Variants in TRAF5 observed in about 807,000 individuals in gnomAD.
The protein encoded by TRAF5 is TNF receptor associated factor 5.
In TRAF5, 48 loss-of-function variants were observed where a neutral mutation model predicts 64.5. The observed-to-expected ratio is 0.74, with a 90% CI of 0.59 to 0.95. The LOEUF is 0.95. Among genes scored for constraint, TRAF5 ranks in the 40% least tolerant of loss-of-function variants. The pLI, the probability that TRAF5 is intolerant of heterozygous loss-of-function variation, is 0.00. For synonymous variants in TRAF5, 206 were observed against 240.5 expected (o/e 0.86, Z 1.33); for missense variants, 545 against 662.8 (o/e 0.82, Z 1.95).
intron 10 of TRAF5, among the ~76,000 whole-genome samples, chr1:211,371,838 G>A (rs1333018754): frequency 6.6e-6 from 1 of 152,254 alleles, no homozygotes; most frequent in Non-Finnish European, 1.5e-5. Flanking sequence ...AAGCATTCTA[G>A]TTAGAAAAGT....
intron 4 of TRAF5, chr1:211,356,749 T>G (rs1263559709): frequency 1.1e-5 from 3 of 275,606 alleles, no homozygotes; most frequent in Non-Finnish European, 2.1e-5. Context: ...AGAGAGGGCG[T>G]GGGACATGCT....
chr1:211,330,879 C>T (rs1391241012), intron 1 of TRAF5, among the ~76,000 whole-genome samples: 1 of 152,202 alleles, frequency 6.6e-6, no homozygotes, highest in Non-Finnish European at 1.5e-5. Flanking sequence ...CTGTGCTTCT[C>T]TCCTTGAGCC....
chr1:211,359,827 T>A (rs1703114072), intron 4 of TRAF5, 85 bp from the exon 5 acceptor site: 1 of 1,550,334 alleles, frequency 6.5e-7, no homozygotes, highest in Non-Finnish European at 8.8e-7. Context: ...CACCCTGTTC[T>A]CTCTCCCTCC....
chr1:211,326,855 G>C lies in TRAF5; in HGVS notation c.-36G>C. 1 of 984,870 alleles carries C rather than the reference G, an allele frequency of 1.0e-6. No individual in the cohort carries two copies. Among genetic ancestry groups the C allele is most frequent in the Non-Finnish European group, 1.2e-6 (1 of 829,572 alleles). 61.0% of individuals were successfully genotyped at this position (984,870 alleles called of 1,614,324 possible). A position where few individuals can be genotyped will look rare whatever the true frequency, so the allele number is the denominator to read the frequency against. ...GCCAGGAGCAGCAGCCGCGCCTGCA[G>C]ACCGGCCTCGCGGAGCCCGCGCGCC... On this transcript the variant is annotated 5_prime_UTR_variant, in exon 1 of 11. Transcript: ENST00000261464. The surrounding 1 kb of genome is among the most constrained non-coding windows in gnomAD (Gnocchi z 5.0).
intron 7 of TRAF5, among the ~76,000 whole-genome samples, chr1:211,364,221 A>G (rs61848982): frequency 0.17 from 25,415 of 152,220 alleles, 2,252 homozygotes; most frequent in African/African-American, 0.23. Context: ...ATGATTAGGG[A>G]AAAAGCAACC....
chr1:211,361,243 C>T lies in TRAF5; in HGVS notation c.696+81C>T, dbSNP rs532992011. On this transcript the variant is annotated intron_variant, in intron 7 of 10. Coordinates refer to ENST00000261464, the MANE Select transcript of TRAF5 (RefSeq NM_001033910.3). ...AAGTTCAGTTTACTCTCTGTTCCATCGAGGATGGAGAAAGACATACAGTTC... is the reference window on the plus strand; with the variant it reads ...AAGTTCAGTTTACTCTCTGTTCCATTGAGGATGGAGAAAGACATACAGTTC... 1.2e-4 allele frequency: 155 copies of T among 1,278,406 alleles called. 1 individual carries two copies. In the Middle Eastern group the frequency reaches 2.1e-3, roughly 17 times the overall value. 79.2% of individuals were successfully genotyped at this position (1,278,406 alleles called of 1,614,324 possible).
At chr1:211,357,258 T>A (rs1349233909) in intron 4 of TRAF5, 1 of 152,212 alleles carries the variant, frequency 6.6e-6, no homozygotes, top group Admixed American at 6.5e-5. Flanking sequence ...GGAACACATA[T>A]TTCAGATGAT....
At chr1:211,364,821 A>C (rs550261739) in intron 7 of TRAF5, among the ~76,000 whole-genome samples, 1 of 152,256 alleles carries the variant, frequency 6.6e-6, no homozygotes, top group Non-Finnish European at 1.5e-5. Flanking sequence ...CAAGGAAGAA[A>C]ATCAGCACTG....
In TRAF5 at chr1:211,372,165, C is replaced by G; in HGVS notation, c.1137C>G (p.His379Gln). 6.2e-7 allele frequency: 1 copy of G among 1,609,744 alleles called. No homozygotes were observed. The highest frequency in any genetic ancestry group is 8.5e-7 in the Non-Finnish European group (1 of 1,178,474). Residue 379 changes from histidine to glutamine, a missense_variant, in exon 11 of 11, where the codon CAC (histidine) becomes CAG (glutamine). By Grantham distance (24) the His-to-Gln change is conservative. Coordinates refer to ENST00000261464, the MANE Select transcript of TRAF5 (RefSeq NM_001033910.3). ...LEEETNKHDT[H>Q]INIHKAQLSK... ...AGGAAACTAACAAACATGATACCCACATTAATATTCATAAAGCACAGCTGA... is the reference window on the plus strand; with the variant it reads ...AGGAAACTAACAAACATGATACCCAGATTAATATTCATAAAGCACAGCTGA...
Position 211,356,362 on chromosome 1 carries a change from T to C in TRAF5, c.277-5T>C, listed in dbSNP as rs1702965054. ...TGTGTGAGACCTATTATGTTTATCT[T>C]TTAGGTTTTTAAAGACAATTGTTGC... On this transcript the variant is annotated splice_polypyrimidine_tract_variant and splice_region_variant and intron_variant, in intron 3 of 10. Transcript: ENST00000261464. 1 of 1,610,658 alleles carries C rather than the reference T, an allele frequency of 6.2e-7. No homozygotes were observed. Among genetic ancestry groups the C allele is most frequent in the South Asian group, 1.1e-5 (1 of 90,978 alleles).
chr1:211,338,595 CTT>C lies in TRAF5; in HGVS notation c.-2+11707_-2+11708del, dbSNP rs1451297422. Among the ~76,000 whole-genome samples, 3 of 152,134 alleles carry C rather than the reference CTT, an allele frequency of 2.0e-5. No homozygotes were observed. The East Asian group carries it at 5.8e-4, about 29-fold the overall frequency. On this transcript the variant is annotated intron_variant, in intron 1 of 10. Coordinates refer to ENST00000261464, the MANE Select transcript of TRAF5 (RefSeq NM_001033910.3). ...ATTTACGTGGATTAATTCATTTAATCTTAACTCCAAGCCTTTGTAGCAGGTAC... is the reference window on the plus strand; with the variant it reads ...ATTTACGTGGATTAATTCATTTAATCAACTCCAAGCCTTTGTAGCAGGTAC...
At chr1:211,360,952 A>T (rs2102757401) in intron 6 of TRAF5, 136 bp from the exon 7 acceptor site, 1 of 1,020,616 alleles carries the variant, frequency 9.8e-7, no homozygotes, top group South Asian at 1.4e-5. Flanking sequence ...TTCAACTTTC[A>T]TCATAGCTCT....
intron 9 of TRAF5, among the ~76,000 whole-genome samples, chr1:211,370,254 A>G (rs1188688241): frequency 1.3e-5 from 2 of 152,194 alleles, no homozygotes. Flanking sequence ...CTTTATCATG[A>G]TTATAAAATT....
At chr1:211,371,996 G>A in intron 10 of TRAF5, 132 bp from the exon 11 acceptor site, 1 of 773,464 alleles carries the variant, frequency 1.3e-6, no homozygotes, top group African/African-American at 1.8e-5. Context: ...TACAACAAAT[G>A]AATTCAGCTC....
chr1:211,326,884 C>T lies in TRAF5; in HGVS notation c.-7C>T. The T allele has an allele frequency of 1.0e-6, 1 of 985,242 alleles. No individual in the cohort carries two copies. The highest frequency in any genetic ancestry group is 1.2e-6 in the Non-Finnish European group (1 of 829,604). 61.0% of individuals were successfully genotyped at this position (985,242 alleles called of 1,614,324 possible). A position where few individuals can be genotyped will look rare whatever the true frequency, so the allele number is the denominator to read the frequency against. ...GGCCTCGCGGAGCCCGCGCGCCGAG[C>T]CCCACGTGAGTCCGGCGGGTCGCCG... On this transcript the variant is annotated 5_prime_UTR_variant, in exon 1 of 11. Coordinates refer to ENST00000261464, the MANE Select transcript of TRAF5 (RefSeq NM_001033910.3). The surrounding 1 kb of genome is among the most constrained non-coding windows in gnomAD (Gnocchi z 5.0).
intron 5 of TRAF5, 64 bp from the exon 6 acceptor site, chr1:211,360,638 A>G (rs1703144955): frequency 7.9e-7 from 1 of 1,273,526 alleles, no homozygotes; most frequent in Admixed American, 1.7e-5. Flanking sequence ...AAAGAGACAC[A>G]GGTGTAATCA....
At chr1:211,356,701 C>A in intron 4 of TRAF5, 1 of 447,372 alleles carries the variant, frequency 2.2e-6, no homozygotes, top group Non-Finnish European at 4.1e-6. Flanking sequence ...CTTGTATCCA[C>A]TAGACCTTAA....
chr1:211,342,094 G>A (rs1702462945), intron 1 of TRAF5, among the ~76,000 whole-genome samples: 1 of 152,176 alleles, frequency 6.6e-6, no homozygotes, highest in Non-Finnish European at 1.5e-5. Flanking sequence ...GGCCTTGTGG[G>A]CCATATGGTC....
intron 1 of TRAF5, among the ~76,000 whole-genome samples, chr1:211,352,149 A>T (rs1353380335): frequency 6.6e-6 from 1 of 152,192 alleles, no homozygotes; most frequent in Non-Finnish European, 1.5e-5. Context: ...TTTATAAAAA[A>T]GAGAGGTTTA....
Sources: gnomAD v4.1 joint callset for allele counts (sites outside exome capture counted in the v4.1 genomes callset) on GRCh38, gnomAD v4.1.1 for gene constraint, Gnocchi (gnomAD v3.1) non-coding constraint, MANE v1.5 for transcripts, NCBI Gene and HGNC (gene_info 2026-07-23, HGNC 2026-07-21) for gene names.